The following NCKAP5 variants were observed in gnomAD, a reference collection of about 807,000 sequenced individuals.
NCKAP5 encodes the protein NCK associated protein 5, also known as nck-associated protein 5.
A neutral mutation model predicts 167.0 loss-of-function variants in NCKAP5; 92 were observed. The observed-to-expected ratio is 0.55, with a 90% CI of 0.47 to 0.66. The LOEUF is 0.66. Ranked by LOEUF, NCKAP5 falls within the 30% of genes least tolerant of loss-of-function variation. The pLI is 0.00. For missense variants in NCKAP5, 2,378 were observed against 2,315.0 expected (o/e 1.03, Z -0.56); for synonymous variants, 891 against 877.4 (o/e 1.02, Z -0.27).
intron 16 of NCKAP5, among the ~76,000 whole-genome samples, chr2:132,743,260 A>G (rs904658791): frequency 1.3e-5 from 2 of 151,834 alleles, no homozygotes; most frequent in African/African-American, 2.4e-5. Context: ...TATAGGTGTT[A>G]AAGGGGACAG....
intron 7 of NCKAP5, among the ~76,000 whole-genome samples, chr2:132,985,881 C>T (rs1455343987): frequency 6.6e-6 from 1 of 152,150 alleles, no homozygotes; most frequent in East Asian, 1.9e-4. Context: ...AATAAAAGCT[C>T]TCAATAAAAA....
intron 3 of NCKAP5, among the ~76,000 whole-genome samples, chr2:133,456,019 G>T (rs942436228): frequency 6.6e-6 from 1 of 152,158 alleles, no homozygotes; most frequent in Admixed American, 6.6e-5. Context: ...TGTATCTTTT[G>T]TGATGGTGTG....
chr2:133,132,004 T>C (rs1439431177), intron 5 of NCKAP5, among the ~76,000 whole-genome samples: 2 of 151,890 alleles, frequency 1.3e-5, no homozygotes, highest in Non-Finnish European at 2.9e-5. Context: ...CAAAAGTACA[T>C]GCTACGAAGA....
chr2:133,485,916 G>A (rs1680865775), intron 3 of NCKAP5, among the ~76,000 whole-genome samples: 1 of 152,120 alleles, frequency 6.6e-6, no homozygotes, highest in Non-Finnish European at 1.5e-5. Context: ...AACACTATGA[G>A]GCAGATGGGA....
At chr2:133,068,686 G>C in intron 6 of NCKAP5, among the ~76,000 whole-genome samples, 1 of 152,200 alleles carries the variant, frequency 6.6e-6, no homozygotes, top group South Asian at 2.1e-4. Context: ...AGTCACTGCT[G>C]TCTGGGTAAG....
At chr2:132,995,651 C>G (rs2077574819) in intron 6 of NCKAP5, among the ~76,000 whole-genome samples, 2 of 70,876 alleles carry the variant, frequency 2.8e-5, no homozygotes, top group Non-Finnish European at 5.9e-5. Flanking sequence ...TATCTGAAAA[C>G]AAACAAACAA....
intron 3 of NCKAP5, among the ~76,000 whole-genome samples, chr2:133,473,853 C>T (rs759612722): frequency 6.6e-6 from 1 of 152,080 alleles, no homozygotes; most frequent in Non-Finnish European, 1.5e-5. Context: ...GCTACAAATT[C>T]AAACATGTAT....
At chr2:133,275,427 G>A (rs956191450) in intron 4 of NCKAP5, among the ~76,000 whole-genome samples, 3 of 151,954 alleles carry the variant, frequency 2.0e-5, no homozygotes, top group Admixed American at 6.6e-5. Flanking sequence ...CATGGAACTC[G>A]CACGAAATCC....
At chr2:133,148,308 C>T (rs944618653) in intron 5 of NCKAP5, among the ~76,000 whole-genome samples, 9 of 152,120 alleles carry the variant, frequency 5.9e-5, no homozygotes, top group Non-Finnish European at 1.2e-4. Context: ...CTTCACATTG[C>T]AGTGCTTATG....
chr2:132,763,516 C>T (rs1681187903), intron 16 of NCKAP5, among the ~76,000 whole-genome samples: 1 of 152,190 alleles, frequency 6.6e-6, no homozygotes, highest in African/African-American at 2.4e-5. Context: ...TGCTGGGCTT[C>T]CATCCCCAGA....
At chr2:132,759,659 T>C (rs781055403) in intron 16 of NCKAP5, among the ~76,000 whole-genome samples, 6 of 152,140 alleles carry the variant, frequency 3.9e-5, no homozygotes, top group Non-Finnish European at 5.9e-5. Context: ...CCAGGTTTCT[T>C]TTCTTTAAGA....
the NCKAP5 span, among the ~76,000 whole-genome samples, chr2:133,578,195 T>A: frequency 6.6e-6 from 1 of 152,210 alleles, no homozygotes; most frequent in Non-Finnish European, 1.5e-5. Flanking sequence ...TTGACTCTAG[T>A]TCCTATGGTA....
the NCKAP5 span, among the ~76,000 whole-genome samples, chr2:133,674,711 C>G: frequency 6.6e-6 from 1 of 151,922 alleles, no homozygotes; most frequent in Non-Finnish European, 1.5e-5. Flanking sequence ...GAATGTTTCA[C>G]TTTAGCCCAC....
chr2:133,166,614 A>C (rs1196394587), intron 5 of NCKAP5, among the ~76,000 whole-genome samples: 1 of 152,194 alleles, frequency 6.6e-6, no homozygotes, highest in Non-Finnish European at 1.5e-5. Flanking sequence ...CAAATGATGA[A>C]GTATGTTTCA....
intron 11 of NCKAP5, among the ~76,000 whole-genome samples, chr2:132,826,267 G>A (rs1012751867): frequency 2.0e-5 from 3 of 152,068 alleles, no homozygotes; most frequent in African/African-American, 7.2e-5. Context: ...GATTTCAGTG[G>A]ATTCCCACTC....
intron 4 of NCKAP5, among the ~76,000 whole-genome samples, chr2:133,254,290 G>A (rs558252900): frequency 1.9e-4 from 29 of 152,216 alleles, no homozygotes; most frequent in Non-Finnish European, 3.5e-4. Flanking sequence ...CTGCTAGAGA[G>A]AGCATGTGGA....
intron 3 of NCKAP5, among the ~76,000 whole-genome samples, chr2:133,464,612 C>A (rs1692423824): frequency 6.6e-6 from 1 of 152,158 alleles, no homozygotes; most frequent in South Asian, 2.1e-4. Flanking sequence ...ATGGTGTGAA[C>A]CTGGGAGGCA....
At chr2:132,854,618 C>T (rs1009152182) in intron 11 of NCKAP5, among the ~76,000 whole-genome samples, 6 of 152,198 alleles carry the variant, frequency 3.9e-5, no homozygotes, top group Admixed American at 3.3e-4. Context: ...CCTCTGCAAG[C>T]GGAGCTAGGA....
intron 6 of NCKAP5, among the ~76,000 whole-genome samples, chr2:133,110,452 G>A (rs536968011): frequency 6.6e-6 from 1 of 152,250 alleles, no homozygotes; most frequent in Non-Finnish European, 1.5e-5. Flanking sequence ...GTTAGTGCAG[G>A]GGACACTGGG....
Sources: allele counts gnomAD v4.1 joint callset (sites outside exome capture counted in the v4.1 genomes callset), GRCh38; gene constraint gnomAD v4.1.1; transcripts MANE v1.5; gene names NCBI Gene and HGNC (gene_info 2026-07-23, HGNC 2026-07-21).